Variants in CDH13 observed in about 807,000 individuals in gnomAD.
The protein encoded by CDH13 is cadherin 13.
In CDH13, 24 loss-of-function variants were observed where a neutral mutation model predicts 63.8. The observed-to-expected ratio is 0.38, with a 90% CI of 0.27 to 0.53. The LOEUF is 0.53. CDH13 is among the 20% of genes least tolerant of loss of function. The pLI, the probability that CDH13 is intolerant of heterozygous loss-of-function variation, is 0.85. For synonymous variants in CDH13, 503 were observed against 355.3 expected, an observed-to-expected ratio of 1.42 and a Z score of -4.67; for missense variants, 1,049 against 903.1, an observed-to-expected ratio of 1.16 and a Z score of -2.07.
At chr16:82,861,562 T>G (rs1019706505) in intron 2 of CDH13, among the ~76,000 whole-genome samples, 1 of 152,226 alleles carries the variant, frequency 6.6e-6, no homozygotes, top group Non-Finnish European at 1.5e-5. Context: ...TTTCCTTTTA[T>G]CCTTTTTCAT....
intron 3 of CDH13, among the ~76,000 whole-genome samples, chr16:83,078,890 G>A (rs2033040513): frequency 6.6e-6 from 1 of 152,134 alleles, no homozygotes; most frequent in South Asian, 2.1e-4. Flanking sequence ...CGCCTCCCAG[G>A]TTCCAGCAAT....
At chr16:83,443,000 C>A (rs1247110177) in intron 6 of CDH13, among the ~76,000 whole-genome samples, 1 of 152,200 alleles carries the variant, frequency 6.6e-6, no homozygotes, top group Non-Finnish European at 1.5e-5. Flanking sequence ...ATTGAACTCT[C>A]AAAGACTTTA....
intron 5 of CDH13, among the ~76,000 whole-genome samples, chr16:83,335,915 C>T (rs1028585763): frequency 1.1e-4 from 17 of 152,162 alleles, no homozygotes; most frequent in African/African-American, 4.1e-4. Flanking sequence ...CCGATGCCCC[C>T]GGCTGAATAA....
At chr16:82,807,273 A>AT (rs1271051457) in intron 1 of CDH13, among the ~76,000 whole-genome samples, 2 of 152,146 alleles carry the variant, frequency 1.3e-5, no homozygotes, top group African/African-American at 4.8e-5. Flanking sequence ...CAAACATTTT[A>AT]TTTTTTGTCC....
At chr16:83,078,170 C>T (rs536117276) in intron 3 of CDH13, among the ~76,000 whole-genome samples, 8 of 152,270 alleles carry the variant, frequency 5.3e-5, no homozygotes, top group African/African-American at 1.7e-4. Flanking sequence ...AATTCATACA[C>T]AGAAGTTGGG....
intron 10 of CDH13, among the ~76,000 whole-genome samples, chr16:83,711,076 C>G (rs1302769700): frequency 6.6e-6 from 1 of 152,216 alleles, no homozygotes; most frequent in African/African-American, 2.4e-5. Context: ...ACGCCACCAC[C>G]TTGGGGCAGG....
At chr16:83,765,768 C>T (rs1914337582) in intron 11 of CDH13, among the ~76,000 whole-genome samples, 1 of 147,876 alleles carries the variant, frequency 6.8e-6, no homozygotes, top group Admixed American at 6.8e-5. Context: ...ACTCCTGGTT[C>T]ACTTACAGCT....
In CDH13 at chr16:82,807,779, G is replaced by C. The variant is rs923730085; in HGVS notation, c.46-50583G>C. ...CACCACAATGGAGCATTTTATATGT[G>C]GAGGAAAATTGCTAAAGGTTATTTA... is the stretch of plus-strand genomic sequence containing the variant. On this transcript the variant is annotated intron_variant, in intron 1 of 13. Transcript: ENST00000567109. 2.6e-5 allele frequency among the ~76,000 whole-genome samples: 4 copies of C among 152,204 alleles called. No homozygotes were observed. In the East Asian group the frequency reaches 7.7e-4, roughly 29 times the overall value.
intron 4 of CDH13, among the ~76,000 whole-genome samples, chr16:83,173,041 G>A (rs1049369482): frequency 6.6e-6 from 1 of 152,116 alleles, no homozygotes; most frequent in Non-Finnish European, 1.5e-5. Context: ...TGCTGGGAAA[G>A]GTACTTGGCA....
intron 7 of CDH13, among the ~76,000 whole-genome samples, chr16:83,594,121 C>T (rs1479062096): frequency 6.6e-6 from 1 of 152,228 alleles, no homozygotes; most frequent in Non-Finnish European, 1.5e-5. Context: ...CAAGTTCACT[C>T]AGTGGCTGTT....
chr16:82,769,449 C>T (rs1164263553), intron 1 of CDH13, among the ~76,000 whole-genome samples: 5 of 152,288 alleles, frequency 3.3e-5, no homozygotes, highest in South Asian at 2.1e-4. Flanking sequence ...TTCATGCCCT[C>T]AGCATCAGGG....
At chr16:83,308,803 G>C (rs1338093408) in intron 5 of CDH13, among the ~76,000 whole-genome samples, 1 of 152,224 alleles carries the variant, frequency 6.6e-6, no homozygotes, top group Non-Finnish European at 1.5e-5. Context: ...ATATGCCCAA[G>C]AGGGAGCCTG....
intron 6 of CDH13, among the ~76,000 whole-genome samples, chr16:83,468,857 A>G (rs1435106266): frequency 6.6e-6 from 1 of 152,184 alleles, no homozygotes; most frequent in Non-Finnish European, 1.5e-5. Context: ...GAACCTATCA[A>G]CCCATCACCT....
chr16:83,264,528 GTA>G (rs998985605), intron 5 of CDH13, among the ~76,000 whole-genome samples: 5 of 141,578 alleles, frequency 3.5e-5, no homozygotes, highest in East Asian at 2.1e-4. Context: ...ATGTATATAT[GTA>G]TATGTGTGTG....
intron 10 of CDH13, among the ~76,000 whole-genome samples, chr16:83,720,358 C>G (rs1410819453): frequency 1.3e-5 from 2 of 152,194 alleles, no homozygotes; most frequent in Non-Finnish European, 2.9e-5. Flanking sequence ...CATGCACACA[C>G]TCTCCAGTAA....
intron 3 of CDH13, among the ~76,000 whole-genome samples, chr16:83,059,789 GTTTGT>G (rs2031339943): frequency 1.0e-5 from 1 of 98,756 alleles, no homozygotes; most frequent in African/African-American, 3.8e-5. Flanking sequence ...TTTTTTTTTT[GTTTGT>G]TTTTTTTTTT....
rs1188818781 is a variant in CDH13 at position 83,165,708 on chromosome 16, C to T, written c.483+40207C>T. 2.0e-5 allele frequency among the ~76,000 whole-genome samples: 3 copies of T among 152,034 alleles called. No homozygotes were observed. In the East Asian group the frequency reaches 5.8e-4, roughly 29 times the overall value. The stretch of plus-strand genomic sequence containing the variant: ...AAAAAGATGGAGGTAGAGCTAGTTT[C>T]CAAGATGGCTTAAAAATACACATGG... On this transcript the variant is annotated intron_variant, in intron 4 of 13. Transcript: ENST00000567109.
At chr16:83,349,580 G>A (rs2090908284) in intron 6 of CDH13, among the ~76,000 whole-genome samples, 1 of 76,598 alleles carries the variant, frequency 1.3e-5, no homozygotes, top group African/African-American at 6.8e-5. Flanking sequence ...AACTTGAGGT[G>A]CATTATTATT....
At chr16:82,733,608 G>A (rs1216737550) in intron 1 of CDH13, among the ~76,000 whole-genome samples, 2 of 152,138 alleles carry the variant, frequency 1.3e-5, no homozygotes, top group Non-Finnish European at 2.9e-5. Context: ...TCTTACAAAT[G>A]AGAAAACTGA....
Sources: allele counts gnomAD v4.1 joint callset (sites outside exome capture counted in the v4.1 genomes callset), GRCh38; gene constraint gnomAD v4.1.1; transcripts MANE v1.5; gene names NCBI Gene and HGNC (gene_info 2026-07-23, HGNC 2026-07-21).